The following ZBTB5 variants were observed in gnomAD, a reference collection of about 807,000 sequenced individuals.
The protein encoded by ZBTB5 is zinc finger and BTB domain-containing protein 5.
Under a neutral mutation model 37.9 loss-of-function variants are expected in ZBTB5, and 15 were observed. The ratio of observed to expected loss-of-function variants is 0.40; its 90% CI spans 0.26 to 0.61. The LOEUF is 0.61. Among genes scored for constraint, ZBTB5 ranks in the 20% least tolerant of loss-of-function variants. ZBTB5 has a pLI of 0.47. For missense variants in ZBTB5, 708 were observed against 856.8 expected (o/e 0.83, Z 2.17); for synonymous variants, 315 against 312.4 (o/e 1.01, Z -0.09).
chr9:37,442,607 C>A, intron 1 of ZBTB5, 52 bp from the exon 2 acceptor site: 1 of 1,428,400 alleles, frequency 7.0e-7, no homozygotes, highest in South Asian at 1.4e-5. Context: ...GCTTCAAAGT[C>A]AGAACACAAA....
At chr9:37,446,376 A>C (rs1224037043) in intron 1 of ZBTB5, among the ~76,000 whole-genome samples, 2 of 152,210 alleles carry the variant, frequency 1.3e-5, no homozygotes, top group Non-Finnish European at 2.9e-5. Flanking sequence ...AACTAAGTCC[A>C]CAAAATTCAA....
chr9:37,446,820 A>G (rs190381525), intron 1 of ZBTB5, among the ~76,000 whole-genome samples: 232 of 152,366 alleles, frequency 1.5e-3, no homozygotes, highest in Middle Eastern at 0.014. Context: ...TCATATATGA[A>G]TAAGTGCCAA....
chr9:37,445,236 G>A (rs929294998), intron 1 of ZBTB5, among the ~76,000 whole-genome samples: 1 of 152,222 alleles, frequency 6.6e-6, no homozygotes, highest in African/African-American at 2.4e-5. Context: ...CATGGGGGAA[G>A]AGGGTAGAGG....
chr9:37,448,766 G>A (rs1824041830), intron 1 of ZBTB5, among the ~76,000 whole-genome samples: 1 of 152,236 alleles, frequency 6.6e-6, no homozygotes, highest in African/African-American at 2.4e-5. Context: ...AACGATTACA[G>A]CCGGGCACAG....
chr9:37,460,235 C>G (rs1486394727), intron 1 of ZBTB5, among the ~76,000 whole-genome samples: 2 of 150,230 alleles, frequency 1.3e-5, no homozygotes, highest in Non-Finnish European at 3.0e-5. Context: ...GTCGGAAGTT[C>G]GAAACTAGCC....
In ZBTB5 at chr9:37,438,441, A is replaced by G; in HGVS notation, c.*2077T>C. The stretch of plus-strand genomic sequence containing the variant: ...CACACGTAGAAACTGACAGACTAAG[A>G]GGTAGATGAGAGATTCCAGGTTCCA... On this transcript the variant is annotated 3_prime_UTR_variant, in exon 2 of 2. Coordinates refer to ENST00000307750, the MANE Select transcript of ZBTB5 (RefSeq NM_014872.3). 1 of 152,578 alleles carries G rather than the reference A, an allele frequency of 6.6e-6. No homozygotes were observed. The highest frequency in any genetic ancestry group is 1.9e-4 in the East Asian group (1 of 5,204). 9.5% of individuals were successfully genotyped at this position (152,578 alleles called of 1,614,324 possible).
chr9:37,442,636 G>A (rs1295911635), intron 1 of ZBTB5, 81 bp from the exon 2 acceptor site: 2 of 1,170,916 alleles, frequency 1.7e-6, no homozygotes, highest in Non-Finnish European at 2.4e-6. Flanking sequence ...TGAAAAGAGT[G>A]GAATGGATGG....
At chr9:37,464,115 G>A (rs1312551890) in intron 1 of ZBTB5, among the ~76,000 whole-genome samples, 1 of 152,154 alleles carries the variant, frequency 6.6e-6, no homozygotes, top group Non-Finnish European at 1.5e-5. Context: ...CGTCCCCACA[G>A]AAATCACAAG....
chr9:37,441,751 T>C lies in ZBTB5; in HGVS notation c.801A>G (p.Gln267=), dbSNP rs757713386. The change falls in exon 2 of 2, where the codon CAA becomes CAG. Residue 267 remains glutamine (Q), a synonymous_variant. Transcript: ENST00000307750. Reference sequence around the variant, plus strand: ...ACTGGCTGGGCACCTGGGCATCTTCTTGAGTGCCAAAAGACTGATCAAACA... The same window carrying C: ...ACTGGCTGGGCACCTGGGCATCTTCCTGAGTGCCAAAAGACTGATCAAACA... ...AIMFDQSFGT[Q]EDAQVPSQSD... The C allele has an allele frequency of 8.7e-6, 14 of 1,613,960 alleles. No homozygotes were observed. Among genetic ancestry groups the C allele is most frequent in the African/African-American group, 1.3e-5 (1 of 74,870 alleles).
intron 1 of ZBTB5, among the ~76,000 whole-genome samples, chr9:37,455,184 T>G (rs957382381): frequency 6.6e-6 from 1 of 152,106 alleles, no homozygotes; most frequent in African/African-American, 2.4e-5. Context: ...AAACAGAATG[T>G]GCAGAGGAGC....
chr9:37,443,352 A>T (rs1002242121), intron 1 of ZBTB5, among the ~76,000 whole-genome samples: 8 of 151,982 alleles, frequency 5.3e-5, no homozygotes, highest in African/African-American at 1.9e-4. Context: ...AAAAAACACT[A>T]AAGTTTTTGT....
At chr9:37,457,605 CTG>C (rs1491273339) in intron 1 of ZBTB5, among the ~76,000 whole-genome samples, 1 of 152,246 alleles carries the variant, frequency 6.6e-6, no homozygotes, top group African/African-American at 2.4e-5. Flanking sequence ...ACAGTACTAA[CTG>C]TCACAGGTAT....
intron 1 of ZBTB5, among the ~76,000 whole-genome samples, chr9:37,459,482 T>C (rs1824250246): frequency 6.6e-6 from 1 of 152,052 alleles, no homozygotes; most frequent in African/African-American, 2.4e-5. Flanking sequence ...AAAGTTTTCT[T>C]TTCTTTCCAA....
At chr9:37,449,712 AAAAG>A (rs1408084774) in intron 1 of ZBTB5, among the ~76,000 whole-genome samples, 1 of 151,904 alleles carries the variant, frequency 6.6e-6, no homozygotes. Context: ...AAAAAAAAAA[AAAAG>A]AATGAGTAAA....
chr9:37,448,841 C>T (rs1173070383), intron 1 of ZBTB5, among the ~76,000 whole-genome samples: 1 of 151,814 alleles, frequency 6.6e-6, no homozygotes, highest in Non-Finnish European at 1.5e-5. Flanking sequence ...GTCAAGAGAG[C>T]GAGACCATCC....
At chr9:37,457,899 C>G (rs554853197) in intron 1 of ZBTB5, among the ~76,000 whole-genome samples, 1 of 152,298 alleles carries the variant, frequency 6.6e-6, no homozygotes, top group Admixed American at 6.5e-5. Flanking sequence ...CTGCTCATAA[C>G]TGATGTTAAT....
At chr9:37,456,138 AG>A (rs1824183991) in intron 1 of ZBTB5, among the ~76,000 whole-genome samples, 1 of 151,690 alleles carries the variant, frequency 6.6e-6, no homozygotes, top group South Asian at 2.1e-4. Context: ...TTTTGTAGAT[AG>A]GGGGTTTTGC....
chr9:37,439,339 T>C lies in ZBTB5; in HGVS notation c.*1179A>G, dbSNP rs1823807783. 1 of 152,246 alleles carries C rather than the reference T, an allele frequency of 6.6e-6. No homozygotes were observed. Among genetic ancestry groups the C allele is most frequent in the Admixed American group, 6.5e-5 (1 of 15,278 alleles). The allele number at this position is 152,246 out of a possible 1,614,324, so 9.4% of individuals were successfully genotyped here. On this transcript the variant is annotated 3_prime_UTR_variant, in exon 2 of 2. Coordinates refer to ENST00000307750, the MANE Select transcript of ZBTB5 (RefSeq NM_014872.3). ...ATGCTATGGGCTGCTAACTCTTACA[T>C]AGCCTAGAAAATATTTACCCATGAA... is the stretch of plus-strand genomic sequence containing the variant.
At chr9:37,451,154 T>G (rs374216362) in intron 1 of ZBTB5, among the ~76,000 whole-genome samples, 1 of 150,902 alleles carries the variant, frequency 6.6e-6, no homozygotes, top group Non-Finnish European at 1.5e-5. Context: ...GCACTCCAGC[T>G]TGGGTGACAG....
Sources: allele counts gnomAD v4.1 joint callset (sites outside exome capture counted in the v4.1 genomes callset), GRCh38; gene constraint gnomAD v4.1.1; transcripts MANE v1.5; gene names NCBI Gene and HGNC (gene_info 2026-07-23, HGNC 2026-07-21).